TDRD9: variants seen among roughly 807,000 people sequenced by gnomAD.
The protein encoded by TDRD9 is tudor domain containing 9.
A neutral mutation model predicts 172.6 loss-of-function variants in TDRD9; 124 were observed. The ratio of observed to expected loss-of-function variants is 0.72; its 90% CI spans 0.62 to 0.83. TDRD9 has a LOEUF of 0.83. Among genes scored for constraint, TDRD9 ranks in the 40% least tolerant of loss-of-function variants. TDRD9 has a pLI of 0.00. For synonymous variants in TDRD9, 619 were observed against 617.1 expected, an observed-to-expected ratio of 1.00 and a Z score of -0.05; for missense variants, 1,479 against 1,714.1, an observed-to-expected ratio of 0.86 and a Z score of 2.42.
chr14:104,039,210 C>T (rs1032581801), intron 32 of TDRD9, among the ~76,000 whole-genome samples: 1 of 152,174 alleles, frequency 6.6e-6, no homozygotes, highest in Non-Finnish European at 1.5e-5. Context: ...AGAATTCACT[C>T]ACCATCACGA....
chr14:103,997,251 G>A lies in TDRD9; in HGVS notation c.1379-1373G>A, dbSNP rs935347943. Among the ~76,000 whole-genome samples, 27 of 152,332 alleles carry A rather than the reference G, an allele frequency of 1.8e-4. No individual in the cohort carries two copies. The highest frequency in any genetic ancestry group is 5.8e-4 in the African/African-American group (24 of 41,582). ...AGGAGGGTGTCACAAGAATCTAGGC[G>A]ACAATGGGTGGTGCTTAGAAAAGGA... On this transcript the variant is annotated intron_variant, in intron 12 of 35. Coordinates refer to ENST00000409874, the MANE Select transcript of TDRD9 (RefSeq NM_153046.3). The surrounding 1 kb of genome is among the most constrained non-coding windows in gnomAD (Gnocchi z 5.1).
intron 1 of TDRD9, among the ~76,000 whole-genome samples, chr14:103,938,839 A>T (rs1022969097): frequency 6.6e-6 from 1 of 152,172 alleles, no homozygotes; most frequent in Non-Finnish European, 1.5e-5. Context: ...AGTTATTTGT[A>T]TTAAAATTTC....
chr14:104,021,721 C>CT (rs148520731), intron 23 of TDRD9, among the ~76,000 whole-genome samples: 2,267 of 152,054 alleles, frequency 0.015, 63 homozygotes, highest in African/African-American at 0.052. Context: ...AAATTTAATG[C>CT]TTTTTTTGAA....
intron 24 of TDRD9, among the ~76,000 whole-genome samples, chr14:104,024,184 A>C (rs1189144850): frequency 6.6e-6 from 1 of 152,204 alleles, no homozygotes; most frequent in Non-Finnish European, 1.5e-5. Context: ...CTAAAGGTCA[A>C]GGTGCACATT....
At chr14:104,037,721 C>T (rs919353146) in intron 32 of TDRD9, among the ~76,000 whole-genome samples, 1 of 152,140 alleles carries the variant, frequency 6.6e-6, no homozygotes, top group African/African-American at 2.4e-5. Flanking sequence ...GTTCTTTCTG[C>T]CATGTGACCT....
At chr14:104,022,635 G>A (rs2034993646) in intron 24 of TDRD9, among the ~76,000 whole-genome samples, 1 of 152,226 alleles carries the variant, frequency 6.6e-6, no homozygotes, top group African/African-American at 2.4e-5. Flanking sequence ...GCTGAGGCAG[G>A]AGAATTGCTT....
chr14:104,027,139 G>A (rs543536228), intron 28 of TDRD9, among the ~76,000 whole-genome samples, 200 bp downstream of exon 28: 2 of 152,222 alleles, frequency 1.3e-5, no homozygotes, highest in East Asian at 3.9e-4. Context: ...TGGTGGCTGG[G>A]TATTGTTTTT....
intron 13 of TDRD9, among the ~76,000 whole-genome samples, chr14:103,999,112 A>C (rs2034166053): frequency 6.6e-6 from 1 of 152,140 alleles, no homozygotes; most frequent in South Asian, 2.1e-4. Flanking sequence ...CTTTTCTAAA[A>C]AATTCATTTT....
intron 4 of TDRD9, 38 bp from the exon 5 acceptor site, chr14:103,966,671 T>TC: frequency 1.3e-6 from 2 of 1,481,902 alleles, no homozygotes; most frequent in African/African-American, 2.8e-5. Context: ...ACTTTTTTTT[T>TC]CTCTTTTTTC....
chr14:103,957,378 TA>T (rs1261815374), intron 2 of TDRD9, among the ~76,000 whole-genome samples: 2 of 152,244 alleles, frequency 1.3e-5, no homozygotes, highest in African/African-American at 4.8e-5. Context: ...GTATTTCATC[TA>T]ACATCTTTAG....
chr14:104,001,968 T>A (rs2034274274), intron 13 of TDRD9, among the ~76,000 whole-genome samples: 1 of 151,880 alleles, frequency 6.6e-6, no homozygotes, highest in East Asian at 2.0e-4. Flanking sequence ...TCATTTTACA[T>A]TCCATGAGCA....
intron 20 of TDRD9, among the ~76,000 whole-genome samples, chr14:104,012,970 T>G (rs1351671218): frequency 3.9e-5 from 6 of 152,178 alleles, no homozygotes; most frequent in Admixed American, 6.5e-5. Context: ...AGTGGCATAG[T>G]CTTGGTTTTT....
intron 23 of TDRD9, among the ~76,000 whole-genome samples, chr14:104,018,794 G>A (rs984987874): frequency 1.3e-5 from 2 of 152,170 alleles, no homozygotes; most frequent in African/African-American, 4.8e-5. Context: ...AGTGTTCTGT[G>A]AATGTTGTAT....
Position 103,955,780 on chromosome 14 carries a change from T to G in TDRD9, c.322+10T>G. 1 of 1,547,086 alleles carries G rather than the reference T, an allele frequency of 6.5e-7. No homozygotes were observed. The highest frequency in any genetic ancestry group is 8.7e-7 in the Non-Finnish European group (1 of 1,143,992). The stretch of plus-strand genomic sequence containing the variant: ...CCAACCAGTGGGCCAGGTAAACAGG[T>G]CTCTTTAAATATTTTAGATAGGATG... On this transcript the variant is annotated intron_variant, in intron 2 of 35. Coordinates refer to ENST00000409874, the MANE Select transcript of TDRD9 (RefSeq NM_153046.3).
At chr14:103,941,919 C>A (rs990982969) in intron 1 of TDRD9, among the ~76,000 whole-genome samples, 3 of 152,072 alleles carry the variant, frequency 2.0e-5, no homozygotes, top group Non-Finnish European at 4.4e-5. Context: ...TGTAGCTTAG[C>A]AGAAATTAGA....
At chr14:104,039,977 A>G (rs2152263259) in intron 32 of TDRD9, among the ~76,000 whole-genome samples, 1 of 152,346 alleles carries the variant, frequency 6.6e-6, no homozygotes, top group South Asian at 2.1e-4. Flanking sequence ...AATACAAATT[A>G]TTAAGTATTA....
At position 104,034,148 on chromosome 14, in the gene TDRD9, T is replaced by C. The variant is rs964112256; in HGVS notation, c.3619+79T>C. 1.6e-5 allele frequency: 13 copies of C among 788,224 alleles called. No homozygotes were observed. The African/African-American group carries it at 1.9e-4, about 11-fold the overall frequency. 48.8% of individuals were successfully genotyped at this position (788,224 alleles called of 1,614,324 possible). A position where few individuals can be genotyped will look rare whatever the true frequency, so the allele number is the denominator to read the frequency against. Reference sequence around the variant, plus strand: ...TTCAGCTACTAGGAACAACTTATCCTATAATTGGTGAACAAGTCTACACTA... The same window carrying C: ...TTCAGCTACTAGGAACAACTTATCCCATAATTGGTGAACAAGTCTACACTA... On this transcript the variant is annotated intron_variant, in intron 31 of 35. Coordinates refer to ENST00000409874, the MANE Select transcript of TDRD9 (RefSeq NM_153046.3).
chr14:103,963,349 G>A (rs1022870596), intron 3 of TDRD9, among the ~76,000 whole-genome samples, 173 bp downstream of exon 3: 12 of 152,316 alleles, frequency 7.9e-5, no homozygotes, highest in African/African-American at 2.9e-4. Flanking sequence ...AGATGATTTT[G>A]TGTAGTAACC....
chr14:103,986,418 C>T (rs45540638), intron 8 of TDRD9, 98 bp downstream of exon 8: 13,615 of 854,992 alleles, frequency 0.016, 271 homozygotes, highest in African/African-American at 0.077. Flanking sequence ...GAAGGTATAA[C>T]TATAGGTACT....
Sources: gnomAD v4.1 joint callset for allele counts (sites outside exome capture counted in the v4.1 genomes callset) on GRCh38, gnomAD v4.1.1 for gene constraint, Gnocchi (gnomAD v3.1) non-coding constraint, MANE v1.5 for transcripts, NCBI Gene and HGNC (gene_info 2026-07-23, HGNC 2026-07-21) for gene names.